C1orf21: variants seen among roughly 807,000 people sequenced by gnomAD.
C1orf21 encodes uncharacterized protein C1orf21.
In C1orf21, 3 loss-of-function variants were observed where a neutral mutation model predicts 18.7. The observed-to-expected ratio is 0.16, with a 90% confidence interval of 0.07 to 0.42. The LOEUF (loss-of-function observed/expected upper bound fraction) is 0.42. Among genes scored for constraint, C1orf21 ranks in the 10% least tolerant of loss-of-function variants. The probability of loss-of-function intolerance (pLI) is 0.99; values close to 1 mark genes in which losing one functional copy is unlikely to be tolerated. For synonymous variants in C1orf21, 41 were observed against 46.4 expected (o/e 0.88, Z 0.47); for missense variants, 104 against 143.6 (o/e 0.72, Z 1.41).
chr1:184,536,166 G>T (rs1351212084), intron 3 of C1orf21, among the ~76,000 whole-genome samples: 1 of 152,138 alleles, frequency 6.6e-6, no homozygotes, highest in Non-Finnish European at 1.5e-5. Context: ...TAATCTCTTT[G>T]GCCTCAGTTT....
At chr1:184,574,891 TC>T (rs2101991597) in intron 3 of C1orf21, among the ~76,000 whole-genome samples, 1 of 152,298 alleles carries the variant, frequency 6.6e-6, no homozygotes, top group East Asian at 1.9e-4. Context: ...CCTGTCACTA[TC>T]CCGCATCCAC....
intron 1 of C1orf21, among the ~76,000 whole-genome samples, chr1:184,404,804 A>G (rs541188287): frequency 2.0e-3 from 307 of 152,296 alleles, no homozygotes; most frequent in African/African-American, 6.8e-3. Flanking sequence ...TAGTGCCATT[A>G]AACAGTCACT....
intron 3 of C1orf21, among the ~76,000 whole-genome samples, chr1:184,583,573 G>A (rs916086102): frequency 2.0e-5 from 3 of 152,316 alleles, no homozygotes; most frequent in South Asian, 2.1e-4. Context: ...TCTGTAGAGA[G>A]CCAAATGGGG....
intron 3 of C1orf21, chr1:184,566,946 G>T (rs1030213104): frequency 2.1e-5 from 11 of 527,002 alleles, no homozygotes; most frequent in Non-Finnish European, 7.8e-6. Flanking sequence ...AGCAGCTACA[G>T]AAATAAGTCC....
At chr1:184,485,925 G>C (rs1657726420) in intron 2 of C1orf21, among the ~76,000 whole-genome samples, 1 of 152,218 alleles carries the variant, frequency 6.6e-6, no homozygotes, top group South Asian at 2.1e-4. Flanking sequence ...CAGGAGAAGT[G>C]TTTGACGGAT....
chr1:184,483,604 G>T (rs965242821), intron 2 of C1orf21, among the ~76,000 whole-genome samples: 20 of 152,054 alleles, frequency 1.3e-4, no homozygotes. Flanking sequence ...TCCTAGCATT[G>T]CTTTTCTTAC....
intron 2 of C1orf21, among the ~76,000 whole-genome samples, chr1:184,506,789 T>G (rs531880290): frequency 2.1e-4 from 32 of 152,076 alleles, no homozygotes; most frequent in Admixed American, 7.2e-4. Context: ...TTTTCCTGAG[T>G]TTGTTCTATG....
At chr1:184,464,317 C>A (rs756729529) in intron 1 of C1orf21, among the ~76,000 whole-genome samples, 1 of 152,142 alleles carries the variant, frequency 6.6e-6, no homozygotes, top group Non-Finnish European at 1.5e-5. Flanking sequence ...GTAATAATAT[C>A]CTGCACTATG....
chr1:184,539,771 A>G (rs1226850990), intron 3 of C1orf21, among the ~76,000 whole-genome samples: 2 of 152,238 alleles, frequency 1.3e-5, no homozygotes, highest in Non-Finnish European at 2.9e-5. Context: ...CATTGTGACC[A>G]CGTGACTTGT....
chr1:184,437,835 A>G (rs1441858503), intron 1 of C1orf21, among the ~76,000 whole-genome samples: 3 of 151,970 alleles, frequency 2.0e-5, no homozygotes, highest in Non-Finnish European at 2.9e-5. Flanking sequence ...CTGCAACTAG[A>G]TGGTCCCATC....
chr1:184,611,751 CAGAA>C (rs1659739009), intron 5 of C1orf21, among the ~76,000 whole-genome samples: 1 of 152,110 alleles, frequency 6.6e-6, no homozygotes, highest in African/African-American at 2.4e-5. Flanking sequence ...GTTTGCCACT[CAGAA>C]AGCAGTTAAG....
At chr1:184,439,134 C>G (rs1039274504) in intron 1 of C1orf21, among the ~76,000 whole-genome samples, 1 of 151,854 alleles carries the variant, frequency 6.6e-6, no homozygotes, top group Non-Finnish European at 1.5e-5. Flanking sequence ...TCGCTTGAAC[C>G]CAGGAGGCGA....
intron 2 of C1orf21, among the ~76,000 whole-genome samples, chr1:184,477,856 CACCCT>C (rs1164478075): frequency 6.6e-6 from 1 of 152,194 alleles, no homozygotes; most frequent in Non-Finnish European, 1.5e-5. Flanking sequence ...TAACTATAGT[CACCCT>C]ACTCTGTTAT....
chr1:184,574,348 A>G (rs1166440773), intron 3 of C1orf21, among the ~76,000 whole-genome samples: 2 of 152,262 alleles, frequency 1.3e-5, no homozygotes, highest in Non-Finnish European at 2.9e-5. Context: ...AAATGTGCAT[A>G]TGGAAAAAGT....
intron 2 of C1orf21, among the ~76,000 whole-genome samples, chr1:184,479,305 G>A (rs2101991281): frequency 1.3e-5 from 2 of 152,240 alleles, no homozygotes; most frequent in South Asian, 4.1e-4. Context: ...TCTAACATCA[G>A]GGATTTGTTT....
At chr1:184,614,870 C>T (rs902727980) in intron 5 of C1orf21, among the ~76,000 whole-genome samples, 2 of 152,174 alleles carry the variant, frequency 1.3e-5, no homozygotes, top group African/African-American at 4.8e-5. Context: ...AGGCAGAGCT[C>T]AGCTTCACTC....
intron 3 of C1orf21, among the ~76,000 whole-genome samples, chr1:184,525,404 T>C (rs755006517): frequency 6.6e-6 from 1 of 152,162 alleles, no homozygotes; most frequent in Non-Finnish European, 1.5e-5. Context: ...GTGACCTCTT[T>C]CCTTTCCATC....
At chr1:184,557,498 A>T (rs1487444636) in intron 3 of C1orf21, among the ~76,000 whole-genome samples, 1 of 152,128 alleles carries the variant, frequency 6.6e-6, no homozygotes, top group Non-Finnish European at 1.5e-5. Flanking sequence ...AGAACGTACA[A>T]TGTTTGGTTT....
chr1:184,526,678 A>G (rs1376814436), intron 3 of C1orf21, among the ~76,000 whole-genome samples: 1 of 152,204 alleles, frequency 6.6e-6, no homozygotes, highest in African/African-American at 2.4e-5. Context: ...TAAAAGCATC[A>G]GCTTTGGAAC....
Sources: gnomAD v4.1 joint callset for allele counts (sites outside exome capture counted in the v4.1 genomes callset) on GRCh38, gnomAD v4.1.1 for gene constraint, MANE v1.5 for transcripts, NCBI Gene and HGNC (gene_info 2026-07-23, HGNC 2026-07-21) for gene names.